NFE2L3: variants seen among roughly 807,000 people sequenced by gnomAD.
NFE2L3 encodes nuclear factor erythroid 2-related factor 3.
Under a neutral mutation model 23.5 loss-of-function variants are expected in NFE2L3, and 18 were observed. The ratio of observed to expected loss-of-function variants is 0.77; its 90% CI spans 0.53 to 1.13. The LOEUF is 1.13. NFE2L3 is among the 50% of genes most tolerant of loss of function. NFE2L3 has a pLI of 0.00. For synonymous variants in NFE2L3, 424 were observed against 354.5 expected, an observed-to-expected ratio of 1.20 and a Z score of -2.20; for missense variants, 1,152 against 877.2, an observed-to-expected ratio of 1.31 and a Z score of -3.96.
intron 1 of NFE2L3, among the ~76,000 whole-genome samples, chr7:26,164,029 G>A (rs548741484): frequency 1.8e-4 from 28 of 152,226 alleles, no homozygotes; most frequent in African/African-American, 6.5e-4. Context: ...TTGTATATTT[G>A]CCACATTTTC....
Position 26,177,960 on chromosome 7 carries a change from A to G in NFE2L3, c.588A>G (p.Arg196=). 1 of 1,612,766 alleles carries G rather than the reference A, an allele frequency of 6.2e-7. No homozygotes were observed. Among genetic ancestry groups the G allele is most frequent in the Non-Finnish European group, 8.5e-7 (1 of 1,179,654 alleles). ...GCASEENGVL[R]EKHEAVDHSS... ...TTTTATAGGAGAATGGGGTACTAAG[A>G]GAAAAGCACGAAGCTGTGGATCATA... Residue 196 remains arginine, a synonymous_variant, in exon 2 of 4, where the codon AGA becomes AGG. Transcript: ENST00000056233.
rs1784511737 is a variant in NFE2L3, at chr7:26,181,612, A to G, written c.751-2089A>G. 2.6e-5 allele frequency among the ~76,000 whole-genome samples: 4 copies of G among 152,242 alleles called. No individual in the cohort carries two copies. The South Asian group carries it at 8.3e-4, about 32-fold the overall frequency. On this transcript the variant is annotated intron_variant, in intron 2 of 3. Coordinates refer to ENST00000056233, the MANE Select transcript of NFE2L3 (RefSeq NM_004289.7). ...CACTGGTTCTTGAAAAGAAAAATGCAAAACTGCTCCCCAAAATGCTCACCT... is the reference window on the plus strand; with the variant it reads ...CACTGGTTCTTGAAAAGAAAAATGCGAAACTGCTCCCCAAAATGCTCACCT...
rs150952695 is a variant in NFE2L3 at position 26,167,876 on chromosome 7, G to A, written c.571-10067G>A. Reference sequence around the variant, plus strand: ...GCAAGGAGTAATTCATGTTTATATAGCAGCTTACACATATGAAGGGGCTAT... The same window carrying A: ...GCAAGGAGTAATTCATGTTTATATAACAGCTTACACATATGAAGGGGCTAT... On this transcript the variant is annotated intron_variant, in intron 1 of 3. Transcript: ENST00000056233. Among the ~76,000 whole-genome samples, 337 of 152,182 alleles carry A rather than the reference G, an allele frequency of 2.2e-3. 2 individuals carry two copies. The highest frequency in any genetic ancestry group is 7.8e-3 in the African/African-American group (322 of 41,518).
At chr7:26,182,370 TCCCA>T (rs1489678133) in intron 2 of NFE2L3, among the ~76,000 whole-genome samples, 2 of 151,490 alleles carry the variant, frequency 1.3e-5, no homozygotes, top group Non-Finnish European at 2.9e-5. Flanking sequence ...ATGCCTGTAA[TCCCA>T]ACTCTTTGTG....
intron 1 of NFE2L3, among the ~76,000 whole-genome samples, chr7:26,168,286 G>A (rs1199162399): frequency 2.6e-5 from 4 of 151,424 alleles, no homozygotes; most frequent in Non-Finnish European, 4.4e-5. Context: ...ACAGGCACAC[G>A]CCACCACACC....
intron 1 of NFE2L3, among the ~76,000 whole-genome samples, chr7:26,159,208 C>G (rs1784134110): frequency 6.6e-6 from 1 of 152,150 alleles, no homozygotes. Flanking sequence ...GCCTTCTTTC[C>G]AGGAGAAAAC....
chr7:26,178,070 TAGC>T lies in NFE2L3; in HGVS notation c.701_703del (p.Ala234del), dbSNP rs765836500. On this transcript the variant is annotated inframe_deletion, in exon 2 of 4. Transcript: ENST00000056233. ...CAGAATGATGATGATGAAAACAAAATAGCAGAGAAACCTGACTGGGAGGCAGAA... is the reference window on the plus strand; with the variant it reads ...CAGAATGATGATGATGAAAACAAAATAGAGAAACCTGACTGGGAGGCAGAA... 1.5e-5 allele frequency: 25 copies of T among 1,613,848 alleles called. No homozygotes were observed. Among genetic ancestry groups the T allele is most frequent in the Non-Finnish European group, 2.1e-5 (25 of 1,179,982 alleles).
At position 26,185,819 on chromosome 7, in the gene NFE2L3, G is replaced by A. The variant is rs766169384; in HGVS notation, c.*36G>A. 2.7e-6 allele frequency: 4 copies of A among 1,502,860 alleles called. No individual in the cohort carries two copies. Among genetic ancestry groups the A allele is most frequent in the African/African-American group, 2.8e-5 (2 of 70,666 alleles). 93.1% of individuals were successfully genotyped at this position (1,502,860 alleles called of 1,614,324 possible). A position where few individuals can be genotyped will look rare whatever the true frequency, so the allele number is the denominator to read the frequency against. ...AAGATGGACTCTATTATGTGAAGTA[G>A]TAATGTTCAGAAACTGATTATTTGG... is the stretch of plus-strand genomic sequence containing the variant. On this transcript the variant is annotated 3_prime_UTR_variant, in exon 4 of 4. Transcript: ENST00000056233.
rs746734213 is a variant in NFE2L3, at chr7:26,184,940, A to G, written c.1242A>G (p.Glu414=). Residue 414 remains glutamate (E), a synonymous_variant, in exon 4 of 4, where the codon GAA becomes GAG. Transcript: ENST00000056233. ...TCGATGTTTCTCAGCTTTTTGATGA[A>G]CCAGATTCTGATTCTGGCCTTTCTT... ...DPIDVSQLFD[E]PDSDSGLSLD... 2 of 1,613,962 alleles carry G rather than the reference A, an allele frequency of 1.2e-6. No homozygotes were observed. The highest frequency in any genetic ancestry group is 2.2e-5 in the East Asian group (1 of 44,878).
intron 1 of NFE2L3, among the ~76,000 whole-genome samples, chr7:26,153,773 T>C (rs1583923567): frequency 6.6e-6 from 1 of 152,350 alleles, no homozygotes; most frequent in East Asian, 1.9e-4. Flanking sequence ...GCTTAACTTC[T>C]TTCTGAAACC....
chr7:26,173,327 C>T (rs943714541), intron 1 of NFE2L3, among the ~76,000 whole-genome samples: 6 of 152,192 alleles, frequency 3.9e-5, no homozygotes, highest in Admixed American at 3.9e-4. Context: ...TGATCTGTAT[C>T]AACCACTTGT....
At chr7:26,184,282 T>C (rs1298460027) in intron 3 of NFE2L3, 2 of 444,316 alleles carry the variant, frequency 4.5e-6, no homozygotes. Context: ...TTAGACTTTT[T>C]AAGAAAATCC....
At position 26,185,585 on chromosome 7, in the gene NFE2L3, A is replaced by G; in HGVS notation, c.1887A>G (p.Lys629=). Residue 629 remains lysine, a synonymous_variant, in exon 4 of 4, where the codon AAA becomes AAG. Transcript: ENST00000056233. ...TLKREQAQCN[K]AINIMKQKLH... is the part of the protein sequence containing the mutation. Reference sequence around the variant, plus strand: ...AGAGAGAGCAAGCACAATGTAACAAAGCTATTAACATAATGAAACAGAAAC... The same window carrying G: ...AGAGAGAGCAAGCACAATGTAACAAGGCTATTAACATAATGAAACAGAAAC... The G allele has an allele frequency of 6.2e-7, 1 of 1,613,794 alleles. No individual in the cohort carries two copies. Among genetic ancestry groups the G allele is most frequent in the South Asian group, 1.1e-5 (1 of 91,024 alleles).
At position 26,184,138 on chromosome 7, in the gene NFE2L3, G is replaced by A. The variant is rs943937986; in HGVS notation, c.834+354G>A. On this transcript the variant is annotated intron_variant, in intron 3 of 3. Transcript: ENST00000056233. ...AATAGCCTTGTAGTTTTAGCGCTTAGAGGCATTTAAACAGCCTCTCTCCTC... is the reference window on the plus strand; with the variant it reads ...AATAGCCTTGTAGTTTTAGCGCTTAAAGGCATTTAAACAGCCTCTCTCCTC... 1.2e-5 allele frequency: 4 copies of A among 341,404 alleles called. No individual in the cohort carries two copies. In the Admixed American group the frequency reaches 1.8e-4, roughly 15 times the overall value. The allele number at this position is 341,404 out of a possible 1,614,324, so 21.1% of individuals were successfully genotyped here.
chr7:26,178,784 C>T (rs1322207327), intron 2 of NFE2L3, among the ~76,000 whole-genome samples: 1 of 152,162 alleles, frequency 6.6e-6, no homozygotes, highest in Non-Finnish European at 1.5e-5. Flanking sequence ...TGAGGTCCTG[C>T]CCACAAGCAT....
intron 1 of NFE2L3, among the ~76,000 whole-genome samples, chr7:26,161,132 A>G (rs1004345708): frequency 2.0e-5 from 3 of 152,150 alleles, no homozygotes; most frequent in African/African-American, 7.2e-5. Context: ...GGGAGGTCAT[A>G]CTGGAAATGG....
At chr7:26,175,638 G>A (rs999284767) in intron 1 of NFE2L3, among the ~76,000 whole-genome samples, 11 of 151,842 alleles carry the variant, frequency 7.2e-5, no homozygotes, top group African/African-American at 2.7e-4. Context: ...AATTAGCCGG[G>A]TGTGGTGCCG....
At chr7:26,172,154 C>T (rs12539124) in intron 1 of NFE2L3, among the ~76,000 whole-genome samples, 7,733 of 152,124 alleles carry the variant, frequency 0.051, 564 homozygotes, top group East Asian at 0.36. Context: ...ATGTCTATGC[C>T]CTTGGGGGCA....
At chr7:26,168,133 GTCTTTTTTTT>G (rs1784278045) in intron 1 of NFE2L3, among the ~76,000 whole-genome samples, 1 of 148,362 alleles carries the variant, frequency 6.7e-6, no homozygotes, top group African/African-American at 2.5e-5. Context: ...TGTCATTCTT[GTCTTTTTTTT>G]TCTTTTTTTT....
Sources: gnomAD v4.1 joint callset for allele counts (sites outside exome capture counted in the v4.1 genomes callset) on GRCh38, gnomAD v4.1.1 for gene constraint, MANE v1.5 for transcripts, NCBI Gene and HGNC (gene_info 2026-07-23, HGNC 2026-07-21) for gene names.